MTPAP: variants seen among roughly 807,000 people sequenced by gnomAD.
MTPAP encodes the protein mitochondrial poly(A) polymerase.
MTPAP carries 23 observed loss-of-function variants against 48.7 expected under a neutral mutation model. The ratio of observed to expected loss-of-function variants is 0.47; its 90% CI spans 0.34 to 0.67. MTPAP has a LOEUF of 0.67. MTPAP is among the 30% of genes least tolerant of loss of function. The pLI is 0.01. For missense variants in MTPAP, 614 were observed against 694.3 expected (o/e 0.88, Z 1.30); for synonymous variants, 257 against 254.1 (o/e 1.01, Z -0.11).
intron 4 of MTPAP, among the ~76,000 whole-genome samples, chr10:30,333,597 C>T (rs1426110467): frequency 1.3e-5 from 2 of 152,164 alleles, no homozygotes; most frequent in East Asian, 1.9e-4. Context: ...TTTTCAAGTA[C>T]ATGTTAGTCT....
chr10:30,334,835 A>G (rs1316803051), intron 4 of MTPAP, among the ~76,000 whole-genome samples: 2 of 152,242 alleles, frequency 1.3e-5, no homozygotes, highest in African/African-American at 4.8e-5. Flanking sequence ...ACTCCAACAA[A>G]GACTGAAGGT....
At chr10:30,342,934 A>C (rs1233078912) in intron 1 of MTPAP, among the ~76,000 whole-genome samples, 2 of 152,224 alleles carry the variant, frequency 1.3e-5, no homozygotes, top group Admixed American at 6.5e-5. Context: ...ATTAAATATT[A>C]ATAACCCACT....
At chr10:30,340,024 AG>A in intron 3 of MTPAP, 1 of 592,630 alleles carries the variant, frequency 1.7e-6, no homozygotes, top group Admixed American at 3.0e-5. Context: ...CGACATTCTT[AG>A]AAAGCTAGAA....
intron 5 of MTPAP, among the ~76,000 whole-genome samples, chr10:30,324,074 G>C (rs756070423): frequency 6.6e-6 from 1 of 152,122 alleles, no homozygotes; most frequent in African/African-American, 2.4e-5. Context: ...CCAGCTACTT[G>C]GGTGGCTGAC....
At position 30,336,960 on chromosome 10, in the gene MTPAP, T is replaced by C; in HGVS notation, c.623A>G (p.Tyr208Cys). 6.2e-7 allele frequency: 1 copy of C among 1,613,652 alleles called. No homozygotes were observed. Among genetic ancestry groups the C allele is most frequent in the South Asian group, 1.1e-5 (1 of 91,056 alleles). ...QLTEENTKLRYLTCSLIEDMA... is the reference protein window; with the variant it reads ...QLTEENTKLRCLTCSLIEDMA... ...GTCTTCAATAAGAGAACAGGTGAGA[T>C]ATCGGAGCTTAGTGTTCTCCTCTGT... is the stretch of plus-strand genomic sequence containing the variant. Residue 208 changes from tyrosine to cysteine, a missense_variant, in exon 4 of 9, where the codon TAT becomes TGT. Physicochemically the swap from Tyr to Cys is radical, Grantham distance 194. This residue lies in a region of MTPAP where 261 missense variants were observed against 355.4 expected (regional missense o/e 0.73). Coordinates refer to ENST00000263063, the MANE Select transcript of MTPAP (RefSeq NM_018109.4).
At chr10:30,337,225 G>C (rs112319038) in intron 3 of MTPAP, among the ~76,000 whole-genome samples, 198 bp from the exon 4 acceptor site, 1 of 152,036 alleles carries the variant, frequency 6.6e-6, no homozygotes, top group Non-Finnish European at 1.5e-5. Flanking sequence ...GGAATTTCGC[G>C]ACCAGCCTGA....
chr10:30,326,794 A>C (rs1834603559), intron 4 of MTPAP, among the ~76,000 whole-genome samples, 159 bp from the exon 5 acceptor site: 1 of 152,250 alleles, frequency 6.6e-6, no homozygotes, highest in African/African-American at 2.4e-5. Context: ...ATCACAGCCA[A>C]AAGCAAACTT....
intron 4 of MTPAP, among the ~76,000 whole-genome samples, chr10:30,329,628 T>C (rs1834640742): frequency 6.6e-6 from 1 of 152,194 alleles, no homozygotes; most frequent in East Asian, 1.9e-4. Flanking sequence ...ATGCCTCCTC[T>C]ACTTCTTTAA....
At chr10:30,340,027 A>G in intron 3 of MTPAP, 199 bp downstream of exon 3, 1 of 597,150 alleles carries the variant, frequency 1.7e-6, no homozygotes, top group Non-Finnish European at 3.0e-6. Context: ...CATTCTTAGA[A>G]AGCTAGAAAT....
intron 4 of MTPAP, among the ~76,000 whole-genome samples, chr10:30,335,290 C>G (rs1834715258): frequency 6.6e-6 from 1 of 151,778 alleles, no homozygotes; most frequent in African/African-American, 2.4e-5. Flanking sequence ...GAGTTCAAGA[C>G]CAGCCTGACC....
chr10:30,322,501 A>C lies in MTPAP; in HGVS notation c.1109T>G (p.Ile370Ser), dbSNP rs765972503. 1.2e-6 allele frequency: 2 copies of C among 1,613,732 alleles called. No homozygotes were observed. The highest frequency in any genetic ancestry group is 8.5e-7 in the Non-Finnish European group (1 of 1,179,620). Residue 370 changes from isoleucine (I) to serine (S), a missense_variant, in exon 6 of 9, where the codon ATT (isoleucine) becomes AGT (serine). Around this residue, in one of 5 missense-constraint regions of MTPAP, gnomAD observed 261 missense variants for 355.4 expected, o/e 0.73. Coordinates refer to ENST00000263063, the MANE Select transcript of MTPAP (RefSeq NM_018109.4). ...WARAHSLTSS[I>S]PGAWITNFSL... is the part of the protein sequence containing the mutation. ...GAAATTTGTAATCCATGCACCAGGAATACTACTTGTTAGTGAATGTGCTCG... is the reference window on the plus strand; with the variant it reads ...GAAATTTGTAATCCATGCACCAGGACTACTACTTGTTAGTGAATGTGCTCG...
intron 3 of MTPAP, among the ~76,000 whole-genome samples, chr10:30,338,318 TTAACA>T (rs748349836): frequency 2.4e-5 from 3 of 122,930 alleles, no homozygotes; most frequent in Non-Finnish European, 3.9e-5. Context: ...CAACATAACA[TTAACA>T]TAACATAACA....
At chr10:30,325,108 A>G (rs1382800297) in intron 5 of MTPAP, among the ~76,000 whole-genome samples, 1 of 152,228 alleles carries the variant, frequency 6.6e-6, no homozygotes, top group Non-Finnish European at 1.5e-5. Context: ...CAAAAAGTAT[A>G]AGGTATCTTG....
At chr10:30,318,529 G>T (rs565273074) in intron 6 of MTPAP, among the ~76,000 whole-genome samples, 10 of 152,186 alleles carry the variant, frequency 6.6e-5, no homozygotes, top group African/African-American at 2.4e-4. Flanking sequence ...TTTCAGGAAT[G>T]AATCTTCAAT....
Position 30,314,061 on chromosome 10 carries a change from T to C in MTPAP, c.1387-90A>G, listed in dbSNP as rs116325427. The C allele has an allele frequency of 7.7e-4, 1,065 of 1,381,148 alleles. 6 individuals carry two copies. The African/African-American group carries it at 0.013, about 17-fold the overall frequency. The allele number at this position is 1,381,148 out of a possible 1,614,324, so 85.6% of individuals were successfully genotyped here. A position where few individuals can be genotyped will look rare whatever the true frequency, so the allele number is the denominator to read the frequency against. On this transcript the variant is annotated intron_variant, in intron 8 of 8. Transcript: ENST00000263063. ...TAACTCAATAAAATGTCAAAACACA[T>C]AAAACACCAGCATTAACTTTACATA... is the stretch of plus-strand genomic sequence containing the variant.
Position 30,341,516 on chromosome 10 carries a change from A to G in MTPAP, c.282T>C (p.Tyr94=), listed in dbSNP as rs1834806390. The change falls in exon 2 of 9, where the codon TAT becomes TAC. Residue 94 remains tyrosine, a synonymous_variant. Coordinates refer to ENST00000263063, the MANE Select transcript of MTPAP (RefSeq NM_018109.4). ...TATTAATAGGTCCAAATTGGGATAA[A>G]TATTTAAGAAACTTGTTTTCACTGA... ...EKISENKFLK[Y]LSQFGPINNH... is the part of the protein sequence containing the mutation. 1 of 1,613,838 alleles carries G rather than the reference A, an allele frequency of 6.2e-7. No homozygotes were observed. The highest frequency in any genetic ancestry group is 1.3e-5 in the African/African-American group (1 of 74,916).
chr10:30,319,187 G>GA (rs1840694576), intron 6 of MTPAP, among the ~76,000 whole-genome samples: 1 of 152,134 alleles, frequency 6.6e-6, no homozygotes, highest in African/African-American at 2.4e-5. Context: ...TGGTATACAG[G>GA]AATCAACGTA....
chr10:30,318,987 C>G (rs1840692133), intron 6 of MTPAP, among the ~76,000 whole-genome samples: 1 of 151,716 alleles, frequency 6.6e-6, no homozygotes, highest in South Asian at 2.1e-4. Context: ...AAAGACCTAA[C>G]AGATGAGATC....
chr10:30,330,445 G>A (rs1834651985), intron 4 of MTPAP, among the ~76,000 whole-genome samples: 6 of 152,102 alleles, frequency 3.9e-5, no homozygotes, highest in African/African-American at 1.2e-4. Flanking sequence ...GAGTCATGGT[G>A]GACTCAATCT....
Sources: gnomAD v4.1 joint callset for allele counts (sites outside exome capture counted in the v4.1 genomes callset) on GRCh38, gnomAD v4.1.1 for gene constraint, gnomAD v4.1.1 regional missense constraint, MANE v1.5 for transcripts, NCBI Gene and HGNC (gene_info 2026-07-23, HGNC 2026-07-21) for gene names.